Variants in EIF3H observed in about 807,000 individuals in gnomAD.
EIF3H encodes the protein eIF-3-gamma.
A neutral mutation model predicts 44.2 loss-of-function variants in EIF3H; 26 were observed. The observed-to-expected ratio is 0.59, with a 90% confidence interval of 0.43 to 0.82. The LOEUF is 0.82. Among genes scored for constraint, EIF3H ranks in the 40% least tolerant of loss-of-function variants. The pLI is 0.00. For missense variants in EIF3H, 359 were observed against 432.8 expected (o/e 0.83, Z 1.51); for synonymous variants, 166 against 151.9 (o/e 1.09, Z -0.68).
intron 1 of EIF3H, 100 bp downstream of exon 1, chr8:116,755,566 C>T (rs1261060486): frequency 2.3e-5 from 35 of 1,530,414 alleles, no homozygotes; most frequent in Non-Finnish European, 3.1e-5. Context: ...GGCCCAGCCA[C>T]ACCAAGCCCA....
chr8:116,695,128 G>T (rs1215121633), intron 2 of EIF3H, among the ~76,000 whole-genome samples: 3 of 150,368 alleles, frequency 2.0e-5, no homozygotes, highest in African/African-American at 7.4e-5. Flanking sequence ...GAGTGTGGTG[G>T]AGCAATCTAG....
At chr8:116,759,536 C>T (rs4372028), upstream of EIF3H, among the ~76,000 whole-genome samples, 83,730 of 152,024 alleles carry the variant, frequency 0.55, 24,812 homozygotes, top group Non-Finnish European at 0.67. Flanking sequence ...ACTTAAACCC[C>T]TTTCAATGCA....
At chr8:116,701,986 T>C (rs1814383746) in intron 2 of EIF3H, among the ~76,000 whole-genome samples, 2 of 152,006 alleles carry the variant, frequency 1.3e-5, no homozygotes, top group South Asian at 4.1e-4. Flanking sequence ...GCAAGTTCTG[T>C]AAATCTAAAT....
At chr8:116,703,364 C>A (rs1252924919) in intron 2 of EIF3H, among the ~76,000 whole-genome samples, 1 of 144,042 alleles carries the variant, frequency 6.9e-6, no homozygotes, top group Non-Finnish European at 1.5e-5. Flanking sequence ...AGGGAGTCTC[C>A]CTTTCCCCGG....
intron 1 of EIF3H, among the ~76,000 whole-genome samples, chr8:116,731,107 C>T (rs1300214641): frequency 6.6e-6 from 1 of 152,176 alleles, no homozygotes; most frequent in African/African-American, 2.4e-5. Flanking sequence ...AACAAAAACA[C>T]TCTCCTGTTA....
chr8:116,712,237 C>T (rs1814585330), intron 2 of EIF3H, among the ~76,000 whole-genome samples: 1 of 152,176 alleles, frequency 6.6e-6, no homozygotes, highest in Non-Finnish European at 1.5e-5. Context: ...GGTTAGTAGC[C>T]TACCACCAAA....
intron 6 of EIF3H, 112 bp from the exon 7 acceptor site, chr8:116,646,715 A>C: frequency 1.4e-6 from 2 of 1,395,694 alleles, no homozygotes; most frequent in Non-Finnish European, 9.7e-7. Context: ...TTCCAACCTC[A>C]GTTTTTATCA....
At chr8:116,742,169 A>G (rs1815144795) in intron 1 of EIF3H, among the ~76,000 whole-genome samples, 1 of 152,172 alleles carries the variant, frequency 6.6e-6, no homozygotes, top group Non-Finnish European at 1.5e-5. Context: ...ATCAACCTCT[A>G]TAATATTTCA....
At chr8:116,663,889 C>T (rs533958898) in intron 2 of EIF3H, among the ~76,000 whole-genome samples, 43 of 149,528 alleles carry the variant, frequency 2.9e-4, no homozygotes, top group Non-Finnish European at 5.2e-4. Context: ...TGAGATCACA[C>T]CACTGCACTC....
chr8:116,671,485 C>T lies in EIF3H; in HGVS notation c.290-12505G>A, dbSNP rs138152929. The stretch of plus-strand genomic sequence containing the variant: ...GAAAAGATTATGAGGCTCAGTTAGA[C>T]CAACGCGTTAAATGGCTTTCTCCTT... On this transcript the variant is annotated intron_variant, in intron 2 of 7. Coordinates refer to ENST00000521861, the MANE Select transcript of EIF3H (RefSeq NM_003756.3). Among the ~76,000 whole-genome samples the T allele has an allele frequency of 9.3e-3, 1,417 of 152,294 alleles. 14 individuals are homozygous for T. Among genetic ancestry groups the T allele is most frequent in the Non-Finnish European group, 0.015 (1,008 of 68,026 alleles).
chr8:116,679,398 G>A (rs868209274), intron 2 of EIF3H, among the ~76,000 whole-genome samples: 936 of 66,032 alleles, frequency 0.014, no homozygotes, highest in African/African-American at 0.021. Context: ...CGCCCCGTCC[G>A]GGAGGGAGGT....
Position 116,643,200 on chromosome 8 carries a change from C to G in EIF3H, c.*1806G>C, listed in dbSNP as rs1813249929. On this transcript the variant is annotated 3_prime_UTR_variant, in exon 8 of 8. Transcript: ENST00000521861. ...TGGCCAGTTTTACCTGTTAATATAT[C>G]CCTTCTGTCTAACACAGTCACACTC... 1.3e-5 allele frequency: 2 copies of G among 152,194 alleles called. No homozygotes were observed. The highest frequency in any genetic ancestry group is 4.8e-5 in the African/African-American group (2 of 41,454). 9.4% of individuals were successfully genotyped at this position (152,194 alleles called of 1,614,324 possible).
upstream of EIF3H, among the ~76,000 whole-genome samples, chr8:116,756,412 T>G (rs2131003093): frequency 6.6e-6 from 1 of 152,350 alleles, no homozygotes; most frequent in South Asian, 2.1e-4. Context: ...GAGGTATTGT[T>G]GAAGGATGAT....
At chr8:116,719,555 G>T (rs1363740827) in intron 2 of EIF3H, among the ~76,000 whole-genome samples, 1 of 152,096 alleles carries the variant, frequency 6.6e-6, no homozygotes, top group Non-Finnish European at 1.5e-5. Context: ...AAAAAAGAGG[G>T]AATGTTACCA....
intron 4 of EIF3H, among the ~76,000 whole-genome samples, chr8:116,656,512 A>G (rs1421773648): frequency 1.3e-5 from 2 of 152,166 alleles, no homozygotes; most frequent in Non-Finnish European, 2.9e-5. Context: ...TATAACCACC[A>G]CATCCAGGAA....
chr8:116,686,822 T>C (rs1586456371), intron 2 of EIF3H, among the ~76,000 whole-genome samples: 1 of 152,120 alleles, frequency 6.6e-6, no homozygotes, highest in Non-Finnish European at 1.5e-5. Flanking sequence ...GAAAGCAGTA[T>C]TTCAGCCAGA....
intron 2 of EIF3H, among the ~76,000 whole-genome samples, chr8:116,679,205 C>CGGGA (rs1813917974): frequency 1.3e-5 from 1 of 75,902 alleles, no homozygotes; most frequent in Non-Finnish European, 3.1e-5. Flanking sequence ...CCGCCCCGTC[C>CGGGA]GGGAGGTGAG....
At chr8:116,711,494 T>C (rs1245055896) in intron 2 of EIF3H, among the ~76,000 whole-genome samples, 2 of 152,158 alleles carry the variant, frequency 1.3e-5, no homozygotes, top group East Asian at 1.9e-4. Flanking sequence ...ATAATCCTGG[T>C]AATAGACTTT....
rs537737016 is a variant in EIF3H at position 116,708,484 on chromosome 8, T to C, written c.289+17532A>G. Among the ~76,000 whole-genome samples the C allele has an allele frequency of 2.6e-5, 4 of 152,090 alleles. No homozygotes were observed. In the South Asian group the frequency reaches 8.3e-4, roughly 32 times the overall value. ...ACTATTCCACAGTATAGAAAATTAG[T>C]AAAAGTGCTGATATTGATGACTATA... On this transcript the variant is annotated intron_variant, in intron 2 of 7. Transcript: ENST00000521861.
Sources: allele counts gnomAD v4.1 joint callset (sites outside exome capture counted in the v4.1 genomes callset), GRCh38; gene constraint gnomAD v4.1.1; transcripts MANE v1.5; gene names NCBI Gene and HGNC (gene_info 2026-07-23, HGNC 2026-07-21).